Variants in BAIAP3 observed in about 807,000 individuals in gnomAD.
The protein encoded by BAIAP3 is BAI1-associated protein 3.
A neutral mutation model predicts 149.7 loss-of-function variants in BAIAP3; 180 were observed. The ratio of observed to expected loss-of-function variants is 1.20; its 90% CI spans 1.07 to 1.36. The LOEUF is 1.36. Among genes scored for constraint, BAIAP3 ranks in the 40% most tolerant of loss-of-function variants. The pLI, the probability that BAIAP3 is intolerant of heterozygous loss-of-function variation, is 0.00. For synonymous variants in BAIAP3, 845 were observed against 670.7 expected, an observed-to-expected ratio of 1.26 and a Z score of -4.02; for missense variants, 1,767 against 1,563.4, an observed-to-expected ratio of 1.13 and a Z score of -2.20.
intron 8 of BAIAP3, 62 bp from the exon 9 acceptor site, chr16:1,341,760 T>C: frequency 1.3e-6 from 2 of 1,559,838 alleles, no homozygotes; most frequent in Non-Finnish European, 1.7e-6. Flanking sequence ...CTGGACTCCC[T>C]GACCCCGGCC....
At position 1,347,806 on chromosome 16, in the gene BAIAP3, C is replaced by T; in HGVS notation, c.3010C>T (p.Pro1004Ser). The T allele has an allele frequency of 3.1e-6, 5 of 1,605,514 alleles. No individual in the cohort carries two copies. The highest frequency in any genetic ancestry group is 4.3e-6 in the Non-Finnish European group (5 of 1,174,746). The change falls in exon 31 of 34, where the codon CCC becomes TCC. Residue 1004 changes from proline to serine, a missense_variant. By Grantham distance (74) the Pro-to-Ser change is moderately conservative. Transcript: ENST00000426824. ...GGTGCTGCACGCCGCGGACCTGCTC[C>T]CCCTGGACGCCAACGGTGAGTTGCA... ...VEVLHAADLL[P>S]LDANGLSDPF...
chr16:1,346,123 C>A (rs750737148), intron 24 of BAIAP3, 45 bp downstream of exon 24: 1 of 1,605,246 alleles, frequency 6.2e-7, no homozygotes, highest in Non-Finnish European at 8.5e-7. Context: ...GGTGGGGGGC[C>A]ATCACCAGGC....
chr16:1,343,494 C>T lies in BAIAP3; in HGVS notation c.1367C>T (p.Pro456Leu), dbSNP rs1211870541. The change falls in exon 15 of 34, where the codon CCT (proline) becomes CTT (leucine). Residue 456 changes from proline to leucine, a missense_variant. Transcript: ENST00000426824. ...ATGCAGGCACACTGGGAAGAGGCTC[C>T]TTCACTGCCCCAGGAGCAGGTGGGT... is the stretch of plus-strand genomic sequence containing the variant. ...EDMQAHWEEAPSLPQEQEESL... is the reference protein window; with the variant it reads ...EDMQAHWEEALSLPQEQEESL... The T allele has an allele frequency of 3.7e-6, 6 of 1,605,620 alleles. No individual in the cohort carries two copies. Among genetic ancestry groups the T allele is most frequent in the Non-Finnish European group, 5.1e-6 (6 of 1,177,618 alleles).
chr16:1,347,906 C>T lies in BAIAP3; in HGVS notation c.3038C>T (p.Pro1013Leu). Residue 1013 changes from proline to leucine, a missense_variant, in exon 32 of 34, where the codon CCC (proline) becomes CTC (leucine). Physicochemically the swap from Pro to Leu is moderately conservative, Grantham distance 98. Coordinates refer to ENST00000426824, the MANE Select transcript of BAIAP3 (RefSeq NM_001199097.2). ...TGTGCTCCTGCAGGCTTAAGTGACC[C>T]CTTTGTGATCGTGGAGCTGGGCCCA... ...LPLDANGLSD[P>L]FVIVELGPPH... The T allele has an allele frequency of 6.2e-7, 1 of 1,611,950 alleles. No individual in the cohort carries two copies. The highest frequency in any genetic ancestry group is 1.6e-4 in the Middle Eastern group (1 of 6,062).
In BAIAP3 at chr16:1,344,279, G is replaced by A. The variant is rs1445556722; in HGVS notation, c.1564G>A (p.Glu522Lys). The change falls in exon 17 of 34, where the codon GAG (glutamate) becomes AAG (lysine). Residue 522 changes from glutamate to lysine, a missense_variant. Physicochemically the swap from Glu to Lys is moderately conservative, Grantham distance 56. Transcript: ENST00000426824. ...ACCCTCCTTTGAGATCTGCCCCTTC[G>A]AGTCGGAGCTGAACATGGACATTGC... ...FQPSFEICPF[E>K]SELNMDIAAA... 5.6e-6 allele frequency: 9 copies of A among 1,613,760 alleles called. No homozygotes were observed. Among genetic ancestry groups the A allele is most frequent in the Non-Finnish European group, 7.6e-6 (9 of 1,180,014 alleles).
chr16:1,343,232 A>C, intron 14 of BAIAP3, 161 bp from the exon 15 acceptor site: 1 of 1,202,056 alleles, frequency 8.3e-7, no homozygotes, highest in Non-Finnish European at 1.2e-6. Flanking sequence ...ATGAGTAGGT[A>C]CGGCAGCGCT....
At chr16:1,346,735 C>T in intron 27 of BAIAP3, 51 bp downstream of exon 27, 1 of 1,527,906 alleles carries the variant, frequency 6.5e-7, no homozygotes. Flanking sequence ...GTCACTGAGG[C>T]CGCCCTGCAG....
intron 8 of BAIAP3, 67 bp from the exon 9 acceptor site, chr16:1,341,755 C>G: frequency 6.5e-7 from 1 of 1,532,734 alleles, no homozygotes; most frequent in Non-Finnish European, 8.8e-7. Context: ...TGCTTCTGGA[C>G]TCCCTGACCC....
chr16:1,341,040 C>CG, intron 6 of BAIAP3, 59 bp downstream of exon 6: 2 of 1,610,116 alleles, frequency 1.2e-6, no homozygotes, highest in Non-Finnish European at 1.7e-6. Context: ...GGCGGGGGCA[C>CG]GGGGCAAGGC....
Position 1,346,700 on chromosome 16 carries a change from G to C in BAIAP3, c.2642+16G>C. On this transcript the variant is annotated intron_variant, in intron 27 of 33. Coordinates refer to ENST00000426824, the MANE Select transcript of BAIAP3 (RefSeq NM_001199097.2). ...ACCTGAGCAGGTGCGGGCGGGTGGG[G>C]TGGGATGGGCTGGGCTGGCCCGTGG... 6.6e-7 allele frequency: 1 copy of C among 1,523,980 alleles called. No individual in the cohort carries two copies. The highest frequency in any genetic ancestry group is 8.8e-7 in the Non-Finnish European group (1 of 1,133,584). 94.4% of individuals were successfully genotyped at this position (1,523,980 alleles called of 1,614,324 possible).
Position 1,347,803 on chromosome 16 carries a change from C to T in BAIAP3, c.3007C>T (p.Leu1003Phe). The change falls in exon 31 of 34, where the codon CTC becomes TTC. Residue 1003 changes from leucine to phenylalanine, a missense_variant. Leu to Phe is a conservative substitution (Grantham distance 22). Transcript: ENST00000426824. ...AVEVLHAADL[L>F]PLDANGLSDP... Reference sequence around the variant, plus strand: ...GGAGGTGCTGCACGCCGCGGACCTGCTCCCCCTGGACGCCAACGGTGAGTT... The same window carrying T: ...GGAGGTGCTGCACGCCGCGGACCTGTTCCCCCTGGACGCCAACGGTGAGTT... 1 of 1,606,150 alleles carries T rather than the reference C, an allele frequency of 6.2e-7. No homozygotes were observed. Among genetic ancestry groups the T allele is most frequent in the South Asian group, 1.1e-5 (1 of 90,816 alleles).
chr16:1,340,438 T>C (rs112329290), intron 5 of BAIAP3, among the ~76,000 whole-genome samples: 5,073 of 42,708 alleles, frequency 0.12, 1,921 homozygotes, highest in Admixed American at 0.31. Context: ...TACACAGACA[T>C]GCACACAGGT....
At chr16:1,338,858 G>A (rs370067004) in intron 2 of BAIAP3, 44 bp from the exon 3 acceptor site, 1 of 1,609,602 alleles carries the variant, frequency 6.2e-7, no homozygotes, top group Admixed American at 1.7e-5. Flanking sequence ...CCAGGCAGGG[G>A]CCAGCGTGCT....
In BAIAP3 at chr16:1,346,483, C is replaced by G. The variant is rs752617374; in HGVS notation, c.2535C>G (p.Leu845=). The change falls in exon 26 of 34, where the codon CTC becomes CTG. Residue 845 remains leucine, a synonymous_variant. Coordinates refer to ENST00000426824, the MANE Select transcript of BAIAP3 (RefSeq NM_001199097.2). ...GCAAGTATGTACAGCACATCAGTCT[C>G]TCGCCTGACTCCATCCAGAACGATG... ...DIRKYVQHIS[L]SPDSIQNDEA... The G allele has an allele frequency of 3.7e-6, 6 of 1,611,996 alleles. No individual in the cohort carries two copies. The highest frequency in any genetic ancestry group is 5.1e-6 in the Non-Finnish European group (6 of 1,179,542).
chr16:1,340,619 G>A (rs897641882), intron 5 of BAIAP3, among the ~76,000 whole-genome samples: 1 of 151,676 alleles, frequency 6.6e-6, no homozygotes, highest in African/African-American at 2.4e-5. Flanking sequence ...CACATAGGCT[G>A]ACAGACGCAC....
rs2034317121 is a variant in BAIAP3 at position 1,345,832 on chromosome 16, T to G, written c.2150T>G (p.Val717Gly). Residue 717 changes from valine to glycine, a missense_variant, in exon 23 of 34, where the codon GTG (valine) becomes GGG (glycine). Val to Gly is a moderately radical substitution (Grantham distance 109, BLOSUM62 -3). Coordinates refer to ENST00000426824, the MANE Select transcript of BAIAP3 (RefSeq NM_001199097.2). Reference protein sequence around the residue: ...LCLSHIQELWVRLAWPDPAQA... With the variant: ...LCLSHIQELWGRLAWPDPAQA... Reference sequence around the variant, plus strand: ...CTCAGCCACATCCAGGAGTTGTGGGTGCGCCTGGCGTGGCCTGACCCTGCC... The same window carrying G: ...CTCAGCCACATCCAGGAGTTGTGGGGGCGCCTGGCGTGGCCTGACCCTGCC... 6.3e-7 allele frequency: 1 copy of G among 1,579,208 alleles called. No homozygotes were observed. The highest frequency in any genetic ancestry group is 8.6e-7 in the Non-Finnish European group (1 of 1,165,222).
At position 1,342,242 on chromosome 16, in the gene BAIAP3, C is replaced by G. The variant is rs1314486766; in HGVS notation, c.916C>G (p.His306Asp). 1 of 1,606,914 alleles carries G rather than the reference C, an allele frequency of 6.2e-7. No homozygotes were observed. Among genetic ancestry groups the G allele is most frequent in the Non-Finnish European group, 8.5e-7 (1 of 1,177,218 alleles). Residue 306 changes from histidine to aspartate, a missense_variant, in exon 11 of 34, where the codon CAC becomes GAC. Transcript: ENST00000426824. ...CGGGACAGCAGGACCCACCGAGGAC[C>G]ACACCGATGACTTCCTGGGGTGCCT... ...ANGTAGPTED[H>D]TDDFLGCLNI...
chr16:1,343,172 G>A lies in BAIAP3; in HGVS notation c.1265+156G>A, dbSNP rs545560203. ...TGGGGCTGCGCTGATTGGGCGGGAA[G>A]GGAAGGGGGCGGTGCTACGGGTAGG... On this transcript the variant is annotated intron_variant, in intron 14 of 33. Coordinates refer to ENST00000426824, the MANE Select transcript of BAIAP3 (RefSeq NM_001199097.2). 114 of 1,100,260 alleles carry A rather than the reference G, an allele frequency of 1.0e-4. 1 individual carries two copies. The South Asian group carries it at 1.6e-3, about 16-fold the overall frequency. 68.2% of individuals were successfully genotyped at this position (1,100,260 alleles called of 1,614,324 possible). A position where few individuals can be genotyped will look rare whatever the true frequency, so the allele number is the denominator to read the frequency against.
rs115798223 is a variant in BAIAP3, at chr16:1,346,175, C to T, written c.2307C>T (p.Cys769=). 3.6e-4 allele frequency: 579 copies of T among 1,611,096 alleles called. No homozygotes were observed. Among genetic ancestry groups the T allele is most frequent in the Middle Eastern group, 1.8e-3 (11 of 6,056 alleles). The change falls in exon 25 of 34, where the codon TGC becomes TGT. Residue 769 remains cysteine (C), a synonymous_variant. Coordinates refer to ENST00000426824, the MANE Select transcript of BAIAP3 (RefSeq NM_001199097.2). The part of the protein sequence containing the change: ...AAGEAVSEAL[C]VVLNNVELVR... ...CCTGGCCACACCTCCTCCAGCTCTG[C>T]GTGGTCCTCAACAATGTGGAGCTCG... is the stretch of plus-strand genomic sequence containing the variant.
Sources: gnomAD v4.1 joint callset for allele counts (sites outside exome capture counted in the v4.1 genomes callset) on GRCh38, gnomAD v4.1.1 for gene constraint, MANE v1.5 for transcripts, NCBI Gene and HGNC (gene_info 2026-07-23, HGNC 2026-07-21) for gene names.